THBS1: variants seen among roughly 807,000 people sequenced by gnomAD.
The protein encoded by THBS1 is thrombospondin-1.
Under a neutral mutation model 126.1 loss-of-function variants are expected in THBS1, and 29 were observed. The observed-to-expected ratio is 0.23, with a 90% CI of 0.17 to 0.31. The LOEUF (loss-of-function observed/expected upper bound fraction) is 0.31. Among genes scored for constraint, THBS1 ranks in the 10% least tolerant of loss-of-function variants. The pLI is 1.00. For missense variants in THBS1, 1,198 were observed against 1,545.2 expected, an observed-to-expected ratio of 0.78 and a Z score of 3.77; for synonymous variants, 496 against 577.8, an observed-to-expected ratio of 0.86 and a Z score of 2.03.
chr15:39,595,209 TA>T (rs753903077), intron 21 of THBS1, among the ~76,000 whole-genome samples, 152 bp from the exon 22 acceptor site: 15 of 152,240 alleles, frequency 9.9e-5, no homozygotes, highest in Non-Finnish European at 2.2e-4. Context: ...CTAATAAAAT[TA>T]AATGCTAATG....
rs1374061369 is a variant in THBS1 at position 39,592,603 on chromosome 15, T to C, written c.2568T>C (p.Cys856=). 4.3e-6 allele frequency: 7 copies of C among 1,613,968 alleles called. No individual in the cohort carries two copies. Among genetic ancestry groups the C allele is most frequent in the Non-Finnish European group, 5.9e-6 (7 of 1,179,956 alleles). ...DSDSDRIGDT[C]DNNQDIDEDG... ...ACTCAGACCGCATTGGAGATACCTGTGACAACAATCAGGATATTGATGAAG... is the reference window on the plus strand; with the variant it reads ...ACTCAGACCGCATTGGAGATACCTGCGACAACAATCAGGATATTGATGAAG... Residue 856 remains cysteine, a synonymous_variant, in exon 17 of 22, where the codon TGT becomes TGC. Transcript: ENST00000260356. The surrounding 1 kb of genome is among the most constrained non-coding windows in gnomAD (Gnocchi z 4.3).
At position 39,588,965 on chromosome 15, in the gene THBS1, G is replaced by C; in HGVS notation, c.1652G>C (p.Cys551Ser). Reference sequence around the variant, plus strand: ...CTCTCTCTCCTTGTCTCAGATGGATGCCTGTCCAATCCCTGCTTTGCCGGC... The same window carrying C: ...CTCTCTCTCCTTGTCTCAGATGGATCCCTGTCCAATCCCTGCTTTGCCGGC... ...CNKQDCPIDG[C>S]LSNPCFAGVK... The change falls in exon 11 of 22, where the codon TGC (cysteine) becomes TCC (serine). Residue 551 changes from cysteine (C) to serine (S), a missense_variant. By Grantham distance (112) the Cys-to-Ser change is moderately radical. Transcript: ENST00000260356. The C allele has an allele frequency of 6.2e-7, 1 of 1,614,150 alleles. No homozygotes were observed. Among genetic ancestry groups the C allele is most frequent in the Non-Finnish European group, 8.5e-7 (1 of 1,180,034 alleles).
intron 13 of THBS1, 121 bp downstream of exon 13, chr15:39,590,144 G>A (rs1323805736): frequency 1.4e-5 from 13 of 958,506 alleles, no homozygotes; most frequent in Non-Finnish European, 2.0e-5. Flanking sequence ...ATCTCCCAAA[G>A]GGAGAGGGGC....
At chr15:39,591,377 C>G in intron 15 of THBS1, 27 bp downstream of exon 15, 5 of 1,602,698 alleles carry the variant, frequency 3.1e-6, no homozygotes, top group Non-Finnish European at 4.3e-6. Flanking sequence ...TCAGAGGGCC[C>G]GCGGGAGACA....
rs1418217385 is a variant in THBS1, at chr15:39,591,256, C to T, written c.2319C>T (p.Arg773=). The change falls in exon 15 of 22, where the codon CGC becomes CGT. Residue 773 remains arginine, a synonymous_variant. Transcript: ENST00000260356. ...ATGACAGAGATGATGTGGGAGACCG[C>T]TGTGACAACTGTCCCTACAACCACA... ...YDYDRDDVGD[R]CDNCPYNHNP... The T allele has an allele frequency of 6.2e-7, 1 of 1,614,246 alleles. No homozygotes were observed. The highest frequency in any genetic ancestry group is 1.7e-5 in the Admixed American group (1 of 60,034).
intron 16 of THBS1, 146 bp downstream of exon 16, chr15:39,591,769 G>A: frequency 1.3e-6 from 1 of 756,202 alleles, no homozygotes; most frequent in Non-Finnish European, 2.3e-6. Flanking sequence ...ATACGTTCAT[G>A]TAAATAATTT....
rs1389282391 is a variant in THBS1 at position 39,596,795 on chromosome 15, AT to A, written c.*1429del. 18 of 152,212 alleles carry A rather than the reference AT, an allele frequency of 1.2e-4. No individual in the cohort carries two copies. The highest frequency in any genetic ancestry group is 2.5e-4 in the Non-Finnish European group (17 of 68,024). 9.4% of individuals were successfully genotyped at this position (152,212 alleles called of 1,614,324 possible). Reference sequence around the variant, plus strand: ...CTGTTTTACCCCATCCCTTGTGCATATTTCCAGGGAGAAGGAAAGCATATAC... The same window carrying A: ...CTGTTTTACCCCATCCCTTGTGCATATTCCAGGGAGAAGGAAAGCATATAC... On this transcript the variant is annotated 3_prime_UTR_variant, in exon 22 of 22. Coordinates refer to ENST00000260356, the MANE Select transcript of THBS1 (RefSeq NM_003246.4).
chr15:39,584,538 A>G, intron 6 of THBS1, 116 bp downstream of exon 6: 3 of 1,411,654 alleles, frequency 2.1e-6, no homozygotes, highest in East Asian at 4.7e-5. Context: ...GCCTGATAAC[A>G]AAGTGTTTTT....
Position 39,593,237 on chromosome 15 carries a change from G to T in THBS1, c.2995+10G>T, listed in dbSNP as rs761404458. 1 of 1,613,618 alleles carries T rather than the reference G, an allele frequency of 6.2e-7. No homozygotes were observed. Among genetic ancestry groups the T allele is most frequent in the Admixed American group, 1.7e-5 (1 of 60,020 alleles). ...CCTGGACTCGCTGTAGGTGAGTAGC[G>T]AGTTCTTAGATCCTAAGAGACTGAT... On this transcript the variant is annotated intron_variant, in intron 18 of 21. Transcript: ENST00000260356. The surrounding 1 kb of genome is among the most constrained non-coding windows in gnomAD (Gnocchi z 5.9).
chr15:39,595,292 A>AACTTAT, intron 21 of THBS1, 70 bp from the exon 22 acceptor site: 1 of 1,052,064 alleles, frequency 9.5e-7, no homozygotes, highest in African/African-American at 1.6e-5. Context: ...TTAACTTATT[A>AACTTAT]ACTAAGATGT....
chr15:39,589,178 TGCAC>T lies in THBS1; in HGVS notation c.1774-21_1774-18del. 1 of 1,613,942 alleles carries T rather than the reference TGCAC, an allele frequency of 6.2e-7. No homozygotes were observed. The highest frequency in any genetic ancestry group is 8.5e-7 in the Non-Finnish European group (1 of 1,179,892). The stretch of plus-strand genomic sequence containing the variant: ...TTATGGCAGTGACTTCTAAACATGA[TGCAC>T]GCTCTTATTTCCTCCATAGTGCAAA... On this transcript the variant is annotated intron_variant, in intron 11 of 21. Coordinates refer to ENST00000260356, the MANE Select transcript of THBS1 (RefSeq NM_003246.4). This position sits in a 1 kb window ranked among gnomAD's most constrained non-coding sequence, Gnocchi z 4.7.
rs1040453731 is a variant in THBS1, at chr15:39,588,800, C to T, written c.1645+101C>T. ...AGATTCCAGCTTGGTTAGTCCTGAG[C>T]GATTTGATTGCTCTAAGATGCAGGT... On this transcript the variant is annotated intron_variant, in intron 10 of 21. Transcript: ENST00000260356. 8.1e-5 allele frequency: 127 copies of T among 1,562,570 alleles called. No individual in the cohort carries two copies. The African/African-American group carries it at 1.6e-3, about 20-fold the overall frequency.
At position 39,593,508 on chromosome 15, in the gene THBS1, A is replaced by C. The variant is rs749372958; in HGVS notation, c.3107A>C (p.Tyr1036Ser). 1 of 1,614,162 alleles carries C rather than the reference A, an allele frequency of 6.2e-7. No homozygotes were observed. Residue 1036 changes from tyrosine (Y) to serine (S), a missense_variant, in exon 19 of 22, where the codon TAT becomes TCT. By Grantham distance (144) the Tyr-to-Ser change is moderately radical (BLOSUM62 -2). Coordinates refer to ENST00000260356, the MANE Select transcript of THBS1 (RefSeq NM_003246.4). The surrounding 1 kb of genome is among the most constrained non-coding windows in gnomAD (Gnocchi z 5.9). ...VFGYQSSSRF[Y>S]VVMWKQVTQS... Reference sequence around the variant, plus strand: ...GGCTACCAGTCCAGCAGCCGCTTTTATGTTGTGATGTGGAAGCAAGTCACC... The same window carrying C: ...GGCTACCAGTCCAGCAGCCGCTTTTCTGTTGTGATGTGGAAGCAAGTCACC...
rs1890126092 is a variant in THBS1, at chr15:39,582,346, A to G, written c.221A>G (p.Lys74Arg). 1 of 1,614,032 alleles carries G rather than the reference A, an allele frequency of 6.2e-7. No homozygotes were observed. Among genetic ancestry groups the G allele is most frequent in the African/African-American group, 1.3e-5 (1 of 74,904 alleles). The change falls in exon 3 of 22, where the codon AAG becomes AGG. Residue 74 changes from lysine (K) to arginine (R), a missense_variant. Around this residue, in one of 4 missense-constraint regions of THBS1, gnomAD observed 271 missense variants for 277.0 expected, o/e 0.98. Transcript: ENST00000260356. Reference protein sequence around the residue: ...ANLIPPVPDDKFQDLVDAVRA... With the variant: ...ANLIPPVPDDRFQDLVDAVRA... ...CTGATCCCCCCTGTGCCTGATGACA[A>G]GTTCCAAGACCTGGTGGATGCTGTG...
In THBS1 at chr15:39,591,369, A is replaced by T. The variant is rs770548138; in HGVS notation, c.2413+19A>T. The T allele has an allele frequency of 3.1e-6, 5 of 1,606,616 alleles. No homozygotes were observed. Among genetic ancestry groups the T allele is most frequent in the Non-Finnish European group, 4.3e-6 (5 of 1,175,200 alleles). ...GGAGACGGTAAGGTGCTGCCTGATCAGAGGGCCCGCGGGAGACAGGGACAT... is the reference window on the plus strand; with the variant it reads ...GGAGACGGTAAGGTGCTGCCTGATCTGAGGGCCCGCGGGAGACAGGGACAT... On this transcript the variant is annotated intron_variant, in intron 15 of 21. Transcript: ENST00000260356.
In THBS1 at chr15:39,593,770, A is replaced by C; in HGVS notation, c.3267+102A>C. 1 of 1,485,248 alleles carries C rather than the reference A, an allele frequency of 6.7e-7. No individual in the cohort carries two copies. 92.0% of individuals were successfully genotyped at this position (1,485,248 alleles called of 1,614,324 possible). On this transcript the variant is annotated intron_variant, in intron 19 of 21. Coordinates refer to ENST00000260356, the MANE Select transcript of THBS1 (RefSeq NM_003246.4). The surrounding 1 kb of genome is among the most constrained non-coding windows in gnomAD (Gnocchi z 5.9). Reference sequence around the variant, plus strand: ...AGACTCTGACCAGGGAGTCTTAGAAAGTTCCCAGCATCACCAGCTGCAGCA... The same window carrying C: ...AGACTCTGACCAGGGAGTCTTAGAACGTTCCCAGCATCACCAGCTGCAGCA...
intron 8 of THBS1, 57 bp downstream of exon 8, chr15:39,587,577 C>T: frequency 6.6e-7 from 1 of 1,505,686 alleles, no homozygotes; most frequent in Non-Finnish European, 9.0e-7. Flanking sequence ...GTTGTCGTCA[C>T]CAAGGGCAGC....
At position 39,599,421 on chromosome 15, in the gene THBS1, C is replaced by A. The variant is rs1246851352; in HGVS notation, c.*4052C>A. The stretch of plus-strand genomic sequence containing the variant: ...CCCAAATATCATTGGCAGAAGCAAA[C>A]TATAAAGTCATAAGCCCTTTGCAGT... On this transcript the variant is annotated 3_prime_UTR_variant, in exon 22 of 22. Transcript: ENST00000260356. 6.6e-6 allele frequency: 1 copy of A among 152,136 alleles called. No homozygotes were observed. Among genetic ancestry groups the A allele is most frequent in the Non-Finnish European group, 1.5e-5 (1 of 68,016 alleles). The allele number at this position is 152,136 out of a possible 1,614,324, so 9.4% of individuals were successfully genotyped here.
At position 39,591,626 on chromosome 15, in the gene THBS1, A is replaced by G; in HGVS notation, c.2532+3A>G. 2 of 1,612,030 alleles carry G rather than the reference A, an allele frequency of 1.2e-6. No homozygotes were observed. Among genetic ancestry groups the G allele is most frequent in the South Asian group, 1.1e-5 (1 of 91,032 alleles). On this transcript the variant is annotated splice_donor_region_variant and intron_variant, in intron 16 of 21. Coordinates refer to ENST00000260356, the MANE Select transcript of THBS1 (RefSeq NM_003246.4). ...CCTTGGAACACAATCCGGATCAGGT[A>G]GGTGGATGGACTCCTTTCAGAGTCT...
Sources: allele counts gnomAD v4.1 joint callset (sites outside exome capture counted in the v4.1 genomes callset), GRCh38; gene constraint gnomAD v4.1.1; regional missense constraint gnomAD v4.1.1; non-coding constraint Gnocchi (gnomAD v3.1); transcripts MANE v1.5; gene names NCBI Gene and HGNC (gene_info 2026-07-23, HGNC 2026-07-21).